Variants in PLCB1 observed in about 807,000 individuals in gnomAD.
The protein encoded by PLCB1 is phospholipase C beta 1, also known as 1-phosphatidylinositol 4,5-bisphosphate phosphodiesterase beta-1.
Under a neutral mutation model 161.8 loss-of-function variants are expected in PLCB1, and 46 were observed. The observed-to-expected ratio is 0.28, with a 90% CI of 0.22 to 0.36. The LOEUF (loss-of-function observed/expected upper bound fraction) is 0.36. Among genes scored for constraint, PLCB1 ranks in the 10% least tolerant of loss-of-function variants. PLCB1 has a pLI of 1.00. For synonymous variants in PLCB1, 517 were observed against 503.7 expected (o/e 1.03, Z -0.35); for missense variants, 1,016 against 1,472.5 (o/e 0.69, Z 5.07).
At chr20:8,328,444 G>T (rs1985240413) in intron 2 of PLCB1, among the ~76,000 whole-genome samples, 1 of 151,898 alleles carries the variant, frequency 6.6e-6, no homozygotes, top group African/African-American at 2.4e-5. Context: ...TAATTTTTAA[G>T]CATATGACAT....
intron 31 of PLCB1, among the ~76,000 whole-genome samples, chr20:8,847,232 G>T (rs1986721981): frequency 6.6e-6 from 1 of 152,080 alleles, no homozygotes; most frequent in Non-Finnish European, 1.5e-5. Flanking sequence ...CCTAATATTT[G>T]CAGGATCTGA....
chr20:8,423,818 G>T (rs1979636355), intron 3 of PLCB1, among the ~76,000 whole-genome samples: 1 of 152,078 alleles, frequency 6.6e-6, no homozygotes, highest in African/African-American at 2.4e-5. Context: ...TCTGCACCTG[G>T]CTTCAAATTT....
At chr20:8,189,111 C>T (rs1057444583) in intron 2 of PLCB1, among the ~76,000 whole-genome samples, 7 of 151,810 alleles carry the variant, frequency 4.6e-5, no homozygotes, top group African/African-American at 1.5e-4. Context: ...TAGGATTCCG[C>T]ATATAAGTGA....
intron 31 of PLCB1, among the ~76,000 whole-genome samples, chr20:8,879,707 A>G (rs563088333): frequency 6.6e-6 from 1 of 152,342 alleles, no homozygotes; most frequent in African/African-American, 2.4e-5. Flanking sequence ...GGCAAAATTT[A>G]TCTGTCACAG....
At chr20:8,270,655 A>C (rs1982238997) in intron 2 of PLCB1, among the ~76,000 whole-genome samples, 1 of 152,128 alleles carries the variant, frequency 6.6e-6, no homozygotes, top group Admixed American at 6.6e-5. Context: ...CTTCAAAGAA[A>C]ACTCAGTGAT....
At position 8,881,998 on chromosome 20, in the gene PLCB1, A is replaced by G. The variant is rs1988014804; in HGVS notation, c.*149A>G. 3.2e-6 allele frequency: 2 copies of G among 618,394 alleles called. No individual in the cohort carries two copies. The highest frequency in any genetic ancestry group is 5.7e-6 in the Non-Finnish European group (2 of 351,662). 38.3% of individuals were successfully genotyped at this position (618,394 alleles called of 1,614,324 possible). ...CAAAGGGAGAGTTCCAGAGGAATCC[A>G]TGAAGAATTCCCATGCCCAGGCTCC... is the stretch of plus-strand genomic sequence containing the variant. On this transcript the variant is annotated 3_prime_UTR_variant, in exon 32 of 32. Coordinates refer to ENST00000338037, the MANE Select transcript of PLCB1 (RefSeq NM_015192.4).
At chr20:8,669,956 G>A (rs754407476) in intron 9 of PLCB1, among the ~76,000 whole-genome samples, 2 of 152,208 alleles carry the variant, frequency 1.3e-5, no homozygotes, top group Non-Finnish European at 2.9e-5. Flanking sequence ...GAAGGAGCTA[G>A]AACATTTTTC....
chr20:8,371,065 G>A (rs1337422828), intron 2 of PLCB1: 12 of 255,940 alleles, frequency 4.7e-5, no homozygotes, highest in Non-Finnish European at 8.3e-5. Flanking sequence ...TACGCTCAGT[G>A]ACTCCCAGGA....
intron 2 of PLCB1, among the ~76,000 whole-genome samples, chr20:8,292,946 A>G (rs16994587): frequency 0.13 from 19,232 of 152,174 alleles, 1,475 homozygotes; most frequent in African/African-American, 0.2. Context: ...CCTTTTGTTA[A>G]GTGGGTGAAT....
intron 3 of PLCB1, among the ~76,000 whole-genome samples, chr20:8,495,036 A>G (rs910101291): frequency 4.0e-5 from 6 of 151,294 alleles, no homozygotes; most frequent in African/African-American, 1.5e-4. Flanking sequence ...CAACTCTGAG[A>G]TGTAGTTTTA....
intron 31 of PLCB1, among the ~76,000 whole-genome samples, chr20:8,822,589 A>G (rs1381425225): frequency 6.6e-6 from 1 of 152,218 alleles, no homozygotes; most frequent in Non-Finnish European, 1.5e-5. Flanking sequence ...GAGCTTTAGG[A>G]CACAAAGCTA....
At chr20:8,616,968 A>G (rs754138078) in intron 3 of PLCB1, among the ~76,000 whole-genome samples, 1 of 152,216 alleles carries the variant, frequency 6.6e-6, no homozygotes, top group Non-Finnish European at 1.5e-5. Flanking sequence ...CTATTTATGT[A>G]TCCCAGAGAA....
At chr20:8,529,427 G>T (rs1323466506) in intron 3 of PLCB1, among the ~76,000 whole-genome samples, 3 of 151,922 alleles carry the variant, frequency 2.0e-5, no homozygotes, top group Non-Finnish European at 4.4e-5. Context: ...AGGAACATTT[G>T]CAGGGATTTT....
At chr20:8,589,610 CTT>C (rs71183102) in intron 3 of PLCB1, among the ~76,000 whole-genome samples, 18,855 of 78,464 alleles carry the variant, frequency 0.24, 942 homozygotes, top group Non-Finnish European at 0.31. Context: ...CAATCTCTCT[CTT>C]TTTTTTTTTT....
chr20:8,352,663 G>T (rs1435729096), intron 2 of PLCB1, among the ~76,000 whole-genome samples: 3 of 152,040 alleles, frequency 2.0e-5, no homozygotes, highest in African/African-American at 7.2e-5. Flanking sequence ...GCTAACTGAA[G>T]TAACTGGAAA....
At chr20:8,378,630 G>C (rs1477644486) in intron 3 of PLCB1, among the ~76,000 whole-genome samples, 1 of 152,186 alleles carries the variant, frequency 6.6e-6, no homozygotes, top group African/African-American at 2.4e-5. Flanking sequence ...TAGGGTAGTG[G>C]TGACAATTTC....
At chr20:8,225,958 T>C (rs1397755876) in intron 2 of PLCB1, among the ~76,000 whole-genome samples, 4 of 152,206 alleles carry the variant, frequency 2.6e-5, no homozygotes, top group African/African-American at 9.6e-5. Flanking sequence ...CAGCCTTAAG[T>C]TTCTGCCTTC....
chr20:8,348,620 A>G (rs1218334298), intron 2 of PLCB1, among the ~76,000 whole-genome samples: 1 of 152,214 alleles, frequency 6.6e-6, no homozygotes, highest in Non-Finnish European at 1.5e-5. Context: ...TGTGTGATGC[A>G]GGCCTAATGG....
intron 3 of PLCB1, among the ~76,000 whole-genome samples, chr20:8,585,799 T>C (rs931663942): frequency 3.3e-5 from 5 of 152,224 alleles, no homozygotes; most frequent in Admixed American, 2.0e-4. Flanking sequence ...AAATAGTATC[T>C]TTTTATAAAC....
Sources: allele counts gnomAD v4.1 joint callset (sites outside exome capture counted in the v4.1 genomes callset), GRCh38; gene constraint gnomAD v4.1.1; transcripts MANE v1.5; gene names NCBI Gene and HGNC (gene_info 2026-07-23, HGNC 2026-07-21).